The following EIPR1 variants were observed in gnomAD, a reference collection of about 807,000 sequenced individuals.
EIPR1 encodes the protein EARP complex and GARP complex interacting protein 1.
A neutral mutation model predicts 48.1 loss-of-function variants in EIPR1; 25 were observed. That is an observed-to-expected ratio of 0.52 (90% CI 0.38 to 0.73). The LOEUF (loss-of-function observed/expected upper bound fraction) is 0.73, where lower values mean the gene tolerates loss of function less well. Among genes scored for constraint, EIPR1 ranks in the 30% least tolerant of loss-of-function variants. EIPR1 has a pLI of 0.00. For missense variants in EIPR1, 415 were observed against 506.2 expected, an observed-to-expected ratio of 0.82 and a Z score of 1.73; for synonymous variants, 204 against 201.9, an observed-to-expected ratio of 1.01 and a Z score of -0.09.
chr2:3,267,257 G>A lies in EIPR1; in HGVS notation c.260-9802C>T, dbSNP rs114741800. On this transcript the variant is annotated intron_variant, in intron 3 of 8. Coordinates refer to ENST00000382125, the MANE Select transcript of EIPR1 (RefSeq NM_003310.5). ...CTCACTCCATGGCTACAGAGCCAAT[G>A]ATGACAGGAAGGACCAGAGGGATGC... is the stretch of plus-strand genomic sequence containing the variant. Among the ~76,000 whole-genome samples the A allele has an allele frequency of 2.8e-3, 434 of 152,362 alleles. 1 individual carries two copies. Among genetic ancestry groups the A allele is most frequent in the African/African-American group, 0.01 (417 of 41,582 alleles).
At chr2:3,230,160 T>TTA (rs1666197199) in intron 4 of EIPR1, among the ~76,000 whole-genome samples, 1 of 151,994 alleles carries the variant, frequency 6.6e-6, no homozygotes, top group Non-Finnish European at 1.5e-5. Context: ...TATTTTTTTT[T>TTA]ATTTGTAAAT....
chr2:3,197,078 C>A, intron 5 of EIPR1, 61 bp from the exon 6 acceptor site: 1 of 1,586,520 alleles, frequency 6.3e-7, no homozygotes, highest in South Asian at 1.1e-5. Flanking sequence ...GAAGTCTGTT[C>A]AGAAAACGCG....
chr2:3,267,033 C>G (rs747177299), intron 3 of EIPR1, among the ~76,000 whole-genome samples: 5 of 152,214 alleles, frequency 3.3e-5, no homozygotes, highest in Non-Finnish European at 7.3e-5. Flanking sequence ...GAACTACCCC[C>G]ACACCCTGAA....
At position 3,214,154 on chromosome 2, in the gene EIPR1, C is replaced by A; in HGVS notation, c.511G>T (p.Ala171Ser). The A allele has an allele frequency of 6.2e-7, 1 of 1,613,218 alleles. No homozygotes were observed. Among genetic ancestry groups the A allele is most frequent in the Non-Finnish European group, 8.5e-7 (1 of 1,179,550 alleles). ...GTGTTGTTGCTTTTACTTACCACAG[C>A]CTGGCTCGAGCTTTCCTGTAAATCC... The part of the protein sequence containing the change: ...LWDLQESSSQ[A>S]VLASSASLEG... Residue 171 changes from alanine to serine, a missense_variant, in exon 5 of 9, where the codon GCT becomes TCT. Coordinates refer to ENST00000382125, the MANE Select transcript of EIPR1 (RefSeq NM_003310.5).
chr2:3,314,320 T>C (rs1669219700), intron 3 of EIPR1, among the ~76,000 whole-genome samples: 1 of 152,136 alleles, frequency 6.6e-6, no homozygotes, highest in Non-Finnish European at 1.5e-5. Context: ...AGGCCAGGGC[T>C]TGCTCGAGCT....
intron 4 of EIPR1, among the ~76,000 whole-genome samples, chr2:3,248,543 G>A (rs759224624): frequency 5.9e-5 from 9 of 151,810 alleles, no homozygotes; most frequent in South Asian, 2.1e-4. Flanking sequence ...GCAGTGAGCC[G>A]AGACTGCACC....
chr2:3,333,161 T>A (rs7603144), intron 3 of EIPR1, among the ~76,000 whole-genome samples: 74,174 of 152,008 alleles, frequency 0.49, 20,256 homozygotes, highest in East Asian at 0.81. Context: ...GCTTGCATTT[T>A]AAAAAATAAG....
chr2:3,368,893 G>A (rs140254097), intron 1 of EIPR1, among the ~76,000 whole-genome samples: 110 of 152,220 alleles, frequency 7.2e-4, no homozygotes, highest in African/African-American at 2.0e-3. Flanking sequence ...ACGACCCTCC[G>A]TGTTGGTCTT....
chr2:3,369,702 C>G (rs1427184539), intron 1 of EIPR1, among the ~76,000 whole-genome samples: 1 of 152,230 alleles, frequency 6.6e-6, no homozygotes, highest in Admixed American at 6.5e-5. Context: ...CGCCATTGCC[C>G]AGGATTGCTT....
rs1491287569 is a variant in EIPR1, at chr2:3,331,227, ATG to A, written c.259+6788_259+6789del. ...AGGCAGGTGTGTATACACTCATGAG[ATG>A]TGTCAGCAGAGGCAGGTGTGTACAC... On this transcript the variant is annotated intron_variant, in intron 3 of 8. Transcript: ENST00000382125. Among the ~76,000 whole-genome samples, 2 of 101,602 alleles carry A rather than the reference ATG, an allele frequency of 2.0e-5. 1 individual carries two copies. 66.7% of individuals were successfully genotyped at this position (101,602 alleles called of 152,430 possible).
chr2:3,321,034 T>C (rs1669511220), intron 3 of EIPR1, among the ~76,000 whole-genome samples: 1 of 152,202 alleles, frequency 6.6e-6, no homozygotes, highest in Admixed American at 6.5e-5. Flanking sequence ...ACTGTCAAGG[T>C]GTTTTTATCT....
chr2:3,238,941 G>A lies in EIPR1; in HGVS notation c.416+18358C>T, dbSNP rs139641093. Among the ~76,000 whole-genome samples the A allele has an allele frequency of 1.4e-4, 22 of 152,356 alleles. No individual in the cohort carries two copies. The East Asian group carries it at 4.2e-3, about 29-fold the overall frequency. ...AGGGAGCCAGCCAGCCCGGGATGGA[G>A]AAACTCCCAGAGGCTTCCTTCCAGG... On this transcript the variant is annotated intron_variant, in intron 4 of 8. Coordinates refer to ENST00000382125, the MANE Select transcript of EIPR1 (RefSeq NM_003310.5).
chr2:3,370,779 G>A (rs1384543061), intron 1 of EIPR1, among the ~76,000 whole-genome samples: 2 of 152,248 alleles, frequency 1.3e-5, no homozygotes, highest in Non-Finnish European at 2.9e-5. Context: ...ACCTGAAAGT[G>A]ATGGGGAGAA....
chr2:3,232,224 G>T (rs901235226), intron 4 of EIPR1, among the ~76,000 whole-genome samples: 12 of 152,106 alleles, frequency 7.9e-5, no homozygotes, highest in African/African-American at 2.2e-4. Flanking sequence ...CTCACTAAAG[G>T]CTTGTCAACT....
chr2:3,262,596 G>T (rs1000556576), intron 3 of EIPR1, among the ~76,000 whole-genome samples: 2 of 152,224 alleles, frequency 1.3e-5, no homozygotes, highest in African/African-American at 4.8e-5. Flanking sequence ...AGGCAGCCCT[G>T]CTTCTGGGGA....
intron 3 of EIPR1, among the ~76,000 whole-genome samples, chr2:3,295,245 T>C (rs1668518236): frequency 9.3e-6 from 1 of 107,872 alleles, no homozygotes. Flanking sequence ...ACATACACCC[T>C]CCATCCAGCC....
chr2:3,233,576 C>G (rs1312388752), intron 4 of EIPR1, among the ~76,000 whole-genome samples: 1 of 152,206 alleles, frequency 6.6e-6, no homozygotes, highest in Non-Finnish European at 1.5e-5. Context: ...TTCCCCAAGC[C>G]AACCTCACAG....
At chr2:3,242,260 ACGGC>A (rs1261774930) in intron 4 of EIPR1, among the ~76,000 whole-genome samples, 38 of 15,728 alleles carry the variant, frequency 2.4e-3, no homozygotes, top group East Asian at 9.5e-3. Context: ...GCAGCCACTG[ACGGC>A]TGGAAGACAG....
chr2:3,228,614 G>C lies in EIPR1; in HGVS notation c.417-14366C>G, dbSNP rs192221456. Among the ~76,000 whole-genome samples, 4 of 152,282 alleles carry C rather than the reference G, an allele frequency of 2.6e-5. No homozygotes were observed. In the East Asian group the frequency reaches 7.7e-4, roughly 29 times the overall value. On this transcript the variant is annotated intron_variant, in intron 4 of 8. Coordinates refer to ENST00000382125, the MANE Select transcript of EIPR1 (RefSeq NM_003310.5). ...ATCTGGGAGGCGGAAGGCGCAGAATGATATGGTTTGGCTGTGTCCCCACCC... is the reference window on the plus strand; with the variant it reads ...ATCTGGGAGGCGGAAGGCGCAGAATCATATGGTTTGGCTGTGTCCCCACCC...
Sources: allele counts gnomAD v4.1 joint callset (sites outside exome capture counted in the v4.1 genomes callset), GRCh38; gene constraint gnomAD v4.1.1; transcripts MANE v1.5; gene names NCBI Gene and HGNC (gene_info 2026-07-23, HGNC 2026-07-21).